CACNA2D3: variants seen among roughly 807,000 people sequenced by gnomAD.
CACNA2D3 encodes the protein voltage-dependent calcium channel subunit alpha-2/delta-3.
Under a neutral mutation model 160.6 loss-of-function variants are expected in CACNA2D3, and 60 were observed. That is an observed-to-expected ratio of 0.37 (90% CI 0.30 to 0.46). The LOEUF (loss-of-function observed/expected upper bound fraction) is 0.46, where lower values mean the gene tolerates loss of function less well. CACNA2D3 is among the 20% of genes least tolerant of loss of function. CACNA2D3 has a pLI of 1.00. For synonymous variants in CACNA2D3, 558 were observed against 492.9 expected, an observed-to-expected ratio of 1.13 and a Z score of -1.75; for missense variants, 1,205 against 1,365.0, an observed-to-expected ratio of 0.88 and a Z score of 1.85.
chr3:54,402,350 T>TA lies in CACNA2D3; in HGVS notation c.381+15583dup, dbSNP rs1383056164. On this transcript the variant is annotated intron_variant, in intron 4 of 37. Transcript: ENST00000474759. ...AAAGACATAGAGTGGCTAAATTGATTAAAAAAACAAGGTCCAACTATATGC... is the reference window on the plus strand; with the variant it reads ...AAAGACATAGAGTGGCTAAATTGATTAAAAAAAACAAGGTCCAACTATATGC... Among the ~76,000 whole-genome samples the TA allele has an allele frequency of 4.0e-5, 6 of 151,874 alleles. No individual in the cohort carries two copies. In the East Asian group the frequency reaches 1.2e-3, roughly 29 times the overall value.
rs140012790 is a variant in CACNA2D3 at position 54,285,003 on chromosome 3, C to T, written c.205-35439C>T. Among the ~76,000 whole-genome samples, 604 of 152,268 alleles carry T rather than the reference C, an allele frequency of 4.0e-3. 8 individuals are homozygous for T. The highest frequency in any genetic ancestry group is 0.013 in the African/African-American group (560 of 41,544). ...TCTGGTCTACAGCTCCCAGCATGAG[C>T]GATGCAGAAGACGGGTGATTTCTGC... On this transcript the variant is annotated intron_variant, in intron 2 of 37. Coordinates refer to ENST00000474759, the MANE Select transcript of CACNA2D3 (RefSeq NM_018398.3).
rs779603609 is a variant in CACNA2D3, at chr3:54,871,666, G to T, written c.1710+44G>T. The T allele has an allele frequency of 2.4e-5, 35 of 1,456,892 alleles. No homozygotes were observed. The South Asian group carries it at 4.0e-4, about 17-fold the overall frequency. The allele number at this position is 1,456,892 out of a possible 1,614,324, so 90.2% of individuals were successfully genotyped here. On this transcript the variant is annotated intron_variant, in intron 18 of 37. Coordinates refer to ENST00000474759, the MANE Select transcript of CACNA2D3 (RefSeq NM_018398.3). ...GGCCTCGTGGAGAAGGACCTGCATT[G>T]TACCCACTTCTGTACCTGGGGGCGA...
In CACNA2D3 at chr3:54,453,047, A is replaced by C. The variant is rs578093291; in HGVS notation, c.382-50445A>C. Among the ~76,000 whole-genome samples the C allele has an allele frequency of 1.7e-4, 26 of 150,906 alleles. 1 individual carries two copies. In the South Asian group the frequency reaches 5.4e-3, roughly 31 times the overall value. Reference sequence around the variant, plus strand: ...CTCTCTGTCACCCAAGCTGGAGTGCAGTGGCATGATCACAGCTGTCTGTAG... The same window carrying C: ...CTCTCTGTCACCCAAGCTGGAGTGCCGTGGCATGATCACAGCTGTCTGTAG... On this transcript the variant is annotated intron_variant, in intron 4 of 37. Coordinates refer to ENST00000474759, the MANE Select transcript of CACNA2D3 (RefSeq NM_018398.3).
chr3:54,436,674 C>A (rs1305311123), intron 4 of CACNA2D3, among the ~76,000 whole-genome samples: 1 of 152,110 alleles, frequency 6.6e-6, no homozygotes, highest in African/African-American at 2.4e-5. Flanking sequence ...CAAACTAACA[C>A]AAGAACAGAA....
chr3:54,762,292 C>T (rs1251226233), intron 12 of CACNA2D3, among the ~76,000 whole-genome samples: 5 of 152,162 alleles, frequency 3.3e-5, no homozygotes, highest in Non-Finnish European at 7.3e-5. Flanking sequence ...AAGGGGCCTG[C>T]TTCTCTCTGA....
At chr3:55,055,470 T>C (rs760966374) in intron 35 of CACNA2D3, among the ~76,000 whole-genome samples, 1 of 152,148 alleles carries the variant, frequency 6.6e-6, no homozygotes, top group Non-Finnish European at 1.5e-5. Context: ...TAGTTTGAAA[T>C]TATGTAGTAT....
intron 11 of CACNA2D3, among the ~76,000 whole-genome samples, chr3:54,670,060 T>TGG: frequency 6.6e-6 from 1 of 152,318 alleles, no homozygotes; most frequent in Middle Eastern, 3.4e-3. Flanking sequence ...ATCATATAGC[T>TGG]GGGGAAACCT....
chr3:54,769,584 C>A (rs1156328604), intron 13 of CACNA2D3, among the ~76,000 whole-genome samples: 1 of 152,078 alleles, frequency 6.6e-6, no homozygotes, highest in Non-Finnish European at 1.5e-5. Flanking sequence ...CATGAGAATA[C>A]GACCTGCCTT....
chr3:55,041,715 T>C (rs1703964782), intron 35 of CACNA2D3, among the ~76,000 whole-genome samples: 1 of 152,092 alleles, frequency 6.6e-6, no homozygotes, highest in South Asian at 2.1e-4. Flanking sequence ...TCTTTGGGTT[T>C]ATTTGCTTTT....
At chr3:54,372,129 C>T (rs1033537491) in intron 3 of CACNA2D3, among the ~76,000 whole-genome samples, 5 of 152,312 alleles carry the variant, frequency 3.3e-5, no homozygotes, top group Admixed American at 6.5e-5. Context: ...GCCAGCGCCT[C>T]AGAGTGAACA....
chr3:54,479,622 C>T (rs1275757383), intron 4 of CACNA2D3, among the ~76,000 whole-genome samples: 1 of 152,156 alleles, frequency 6.6e-6, no homozygotes, highest in Admixed American at 6.5e-5. Flanking sequence ...TTTTCTCCCT[C>T]CCTTCTTGGA....
intron 11 of CACNA2D3, among the ~76,000 whole-genome samples, chr3:54,749,955 C>T (rs909760277): frequency 1.4e-4 from 22 of 152,242 alleles, no homozygotes; most frequent in African/African-American, 5.3e-4. Context: ...TGGTGGTGGT[C>T]GTGGTAGGAC....
intron 2 of CACNA2D3, among the ~76,000 whole-genome samples, chr3:54,256,264 C>A (rs1470628820): frequency 6.6e-6 from 1 of 152,132 alleles, no homozygotes; most frequent in African/African-American, 2.4e-5. Context: ...TTGAATGCCT[C>A]CCCTTTCTCT....
intron 14 of CACNA2D3, among the ~76,000 whole-genome samples, chr3:54,817,862 A>G (rs1238534869): frequency 6.6e-6 from 1 of 152,216 alleles, no homozygotes; most frequent in East Asian, 1.9e-4. Context: ...GCTTGTGGTA[A>G]TGTTTGATTA....
At chr3:54,822,276 G>A (rs1174772346) in intron 14 of CACNA2D3, among the ~76,000 whole-genome samples, 1 of 152,212 alleles carries the variant, frequency 6.6e-6, no homozygotes, top group Non-Finnish European at 1.5e-5. Flanking sequence ...TCTATTTTAT[G>A]AATAAGGCTA....
intron 13 of CACNA2D3, among the ~76,000 whole-genome samples, chr3:54,804,105 C>T (rs1215431723): frequency 1.8e-4 from 28 of 151,958 alleles, no homozygotes; most frequent in Non-Finnish European, 4.0e-4. Flanking sequence ...AAAATCATGC[C>T]AAAATGTAAA....
rs187220925 is a variant in CACNA2D3, at chr3:54,694,065, C to T, written c.1167+51824C>T. Among the ~76,000 whole-genome samples, 197 of 152,280 alleles carry T rather than the reference C, an allele frequency of 1.3e-3. 1 individual carries two copies. Among genetic ancestry groups the T allele is most frequent in the East Asian group, 5.2e-3 (27 of 5,178 alleles). ...ATCCTAGGCCTTCACATTCACTCAC[C>T]GCTTACTCACTAACTCACCTAGGGC... On this transcript the variant is annotated intron_variant, in intron 11 of 37. Coordinates refer to ENST00000474759, the MANE Select transcript of CACNA2D3 (RefSeq NM_018398.3).
At chr3:54,460,683 A>ATG (rs1559487237) in intron 4 of CACNA2D3, among the ~76,000 whole-genome samples, 8 of 152,120 alleles carry the variant, frequency 5.3e-5, no homozygotes, top group African/African-American at 1.9e-4. Context: ...GGGCTGAGGC[A>ATG]ATGGGGTTTT....
At chr3:54,460,321 G>T (rs1700478736) in intron 4 of CACNA2D3, among the ~76,000 whole-genome samples, 1 of 152,182 alleles carries the variant, frequency 6.6e-6, no homozygotes, top group Non-Finnish European at 1.5e-5. Context: ...GAAAGTTATT[G>T]GTAGCTTGAA....
Sources: allele counts gnomAD v4.1 joint callset (sites outside exome capture counted in the v4.1 genomes callset), GRCh38; gene constraint gnomAD v4.1.1; transcripts MANE v1.5; gene names NCBI Gene and HGNC (gene_info 2026-07-23, HGNC 2026-07-21).